MARCHF1: variants seen among roughly 807,000 people sequenced by gnomAD.
MARCHF1 encodes the protein E3 ubiquitin-protein ligase MARCHF1.
Under a neutral mutation model 54.2 loss-of-function variants are expected in MARCHF1, and 40 were observed. That is an observed-to-expected ratio of 0.74 (90% CI 0.57 to 0.96). The LOEUF (loss-of-function observed/expected upper bound fraction) is 0.96, where lower values mean the gene tolerates loss of function less well. Among genes scored for constraint, MARCHF1 ranks in the 40% least tolerant of loss-of-function variants. MARCHF1 has a pLI of 0.00. For synonymous variants in MARCHF1, 236 were observed against 236.3 expected, an observed-to-expected ratio of 1.00 and a Z score of 0.01; for missense variants, 586 against 656.5, an observed-to-expected ratio of 0.89 and a Z score of 1.17.
At chr4:164,307,568 G>C (rs1290055730) in intron 1 of MARCHF1, among the ~76,000 whole-genome samples, 1 of 152,212 alleles carries the variant, frequency 6.6e-6, no homozygotes, top group African/African-American at 2.4e-5. Context: ...AAAAGGAAGA[G>C]AAATCCTGAA....
At chr4:163,807,241 A>G (rs1381965147) in intron 4 of MARCHF1, among the ~76,000 whole-genome samples, 1 of 152,224 alleles carries the variant, frequency 6.6e-6, no homozygotes, top group South Asian at 2.1e-4. Context: ...TGACTAAAAA[A>G]CATTTTAAAA....
intron 1 of MARCHF1, among the ~76,000 whole-genome samples, chr4:164,347,855 A>G (rs1354543619): frequency 6.6e-6 from 1 of 152,206 alleles, no homozygotes; most frequent in Admixed American, 6.5e-5. Context: ...GCTATTTAAA[A>G]TGAATAGAAA....
rs1226080003 is a variant in MARCHF1 at position 163,632,620 on chromosome 4, T to C, written c.163-19227A>G. The stretch of plus-strand genomic sequence containing the variant: ...TATGCCCACGGAGTCTCGCTGATTG[T>C]TAGCACAGCAGTCTGAGATCAAACT... On this transcript the variant is annotated intron_variant, in intron 5 of 9. Coordinates refer to ENST00000514618, the MANE Select transcript of MARCHF1 (RefSeq NM_001394959.1). 3.9e-5 allele frequency among the ~76,000 whole-genome samples: 6 copies of C among 152,164 alleles called. No individual in the cohort carries two copies. The East Asian group carries it at 1.2e-3, about 29-fold the overall frequency.
intron 5 of MARCHF1, among the ~76,000 whole-genome samples, chr4:163,683,286 A>G (rs1272257132): frequency 6.6e-6 from 1 of 152,144 alleles, no homozygotes; most frequent in Non-Finnish European, 1.5e-5. Flanking sequence ...TCGACAAGAG[A>G]AGAGAGCTTG....
At chr4:164,207,779 G>T (rs1041650737) in intron 1 of MARCHF1, among the ~76,000 whole-genome samples, 3 of 152,168 alleles carry the variant, frequency 2.0e-5, no homozygotes, top group African/African-American at 7.2e-5. Flanking sequence ...AGAACACATG[G>T]TCACGGAGAG....
chr4:164,181,414 C>T (rs2111014569), intron 1 of MARCHF1, among the ~76,000 whole-genome samples: 1 of 152,188 alleles, frequency 6.6e-6, no homozygotes, highest in South Asian at 2.1e-4. Flanking sequence ...TAATTTTTAG[C>T]ACACACTAAG....
At chr4:164,264,919 G>GA (rs769358099) in intron 1 of MARCHF1, among the ~76,000 whole-genome samples, 1,351 of 115,040 alleles carry the variant, frequency 0.012, 18 homozygotes, top group African/African-American at 0.031. Flanking sequence ...AGACTCTGTC[G>GA]AAAAAAAAAA....
chr4:163,921,357 G>A (rs1012429372), intron 3 of MARCHF1, among the ~76,000 whole-genome samples: 7 of 149,690 alleles, frequency 4.7e-5, no homozygotes, highest in African/African-American at 1.8e-4. Context: ...GCCTATGTCA[G>A]GAATCATTTA....
chr4:164,170,845 A>G (rs1487672150), intron 1 of MARCHF1, among the ~76,000 whole-genome samples: 1 of 152,208 alleles, frequency 6.6e-6, no homozygotes, highest in African/African-American at 2.4e-5. Flanking sequence ...TGTGATCAGA[A>G]CACTGGAGAG....
At chr4:163,645,162 C>A (rs563991177) in intron 5 of MARCHF1, among the ~76,000 whole-genome samples, 1 of 152,248 alleles carries the variant, frequency 6.6e-6, no homozygotes, top group Admixed American at 6.5e-5. Flanking sequence ...ATCCCAGTAC[C>A]AGCCCTACAG....
intron 1 of MARCHF1, among the ~76,000 whole-genome samples, chr4:164,147,945 A>T (rs1186917255): frequency 6.6e-6 from 1 of 152,182 alleles, no homozygotes; most frequent in Admixed American, 6.5e-5. Context: ...AGATAAATAT[A>T]GCAAAGTATA....
chr4:163,781,010 G>A (rs1193657847), intron 4 of MARCHF1, among the ~76,000 whole-genome samples: 1 of 152,152 alleles, frequency 6.6e-6, no homozygotes, highest in Non-Finnish European at 1.5e-5. Context: ...CTGATAGAAT[G>A]TAAGTCTTGA....
chr4:164,030,634 G>A (rs72687984), intron 2 of MARCHF1, among the ~76,000 whole-genome samples: 2 of 152,266 alleles, frequency 1.3e-5, no homozygotes, highest in Non-Finnish European at 2.9e-5. Context: ...AACGTTATTA[G>A]GCACTGTCAG....
chr4:163,873,783 C>T (rs1184852324), intron 3 of MARCHF1, among the ~76,000 whole-genome samples: 1 of 152,218 alleles, frequency 6.6e-6, no homozygotes, highest in Non-Finnish European at 1.5e-5. Flanking sequence ...CTGGACACTT[C>T]CTTTTTGTCC....
chr4:164,037,886 A>G (rs1176085243), intron 2 of MARCHF1, among the ~76,000 whole-genome samples: 1 of 152,218 alleles, frequency 6.6e-6, no homozygotes. Flanking sequence ...CTCAAAAGTT[A>G]CATATTGCAT....
At chr4:163,908,617 GAT>G (rs1751122287) in intron 3 of MARCHF1, among the ~76,000 whole-genome samples, 1 of 152,126 alleles carries the variant, frequency 6.6e-6, no homozygotes, top group Non-Finnish European at 1.5e-5. Context: ...ATTCTAGAAA[GAT>G]AGAGTCCCAT....
chr4:163,740,414 G>A (rs1746161831), intron 4 of MARCHF1, among the ~76,000 whole-genome samples: 1 of 152,326 alleles, frequency 6.6e-6, no homozygotes, highest in East Asian at 1.9e-4. Context: ...AGAATCATGG[G>A]TCAGAGATAA....
chr4:164,195,017 G>T (rs564464371), intron 1 of MARCHF1, among the ~76,000 whole-genome samples: 1 of 149,274 alleles, frequency 6.7e-6, no homozygotes, highest in Admixed American at 6.7e-5. Flanking sequence ...CCCTGTATCC[G>T]TATGTTCTCA....
chr4:163,955,493 C>T (rs1416759284), intron 3 of MARCHF1, among the ~76,000 whole-genome samples: 2 of 152,126 alleles, frequency 1.3e-5, no homozygotes, highest in Admixed American at 6.5e-5. Flanking sequence ...TCTCTCACAA[C>T]TCATACACTC....
Sources: gnomAD v4.1 joint callset for allele counts (sites outside exome capture counted in the v4.1 genomes callset) on GRCh38, gnomAD v4.1.1 for gene constraint, MANE v1.5 for transcripts, NCBI Gene and HGNC (gene_info 2026-07-23, HGNC 2026-07-21) for gene names.